Variants in SRGAP3 observed in about 807,000 individuals in gnomAD.
The protein encoded by SRGAP3 is SLIT-ROBO Rho GTPase-activating protein 3.
SRGAP3 carries 39 observed loss-of-function variants against 121.1 expected under a neutral mutation model. That is an observed-to-expected ratio of 0.32 (90% CI 0.25 to 0.42). SRGAP3 has a LOEUF of 0.42. Among genes scored for constraint, SRGAP3 ranks in the 10% least tolerant of loss-of-function variants. The probability of loss-of-function intolerance (pLI) is 1.00; values close to 1 mark genes in which losing one functional copy is unlikely to be tolerated. For missense variants in SRGAP3, 1,213 were observed against 1,470.6 expected, an observed-to-expected ratio of 0.82 and a Z score of 2.86; for synonymous variants, 601 against 570.0, an observed-to-expected ratio of 1.05 and a Z score of -0.77.
At chr3:9,282,824 G>T (rs1466802157) in intron 3 of SRGAP3, among the ~76,000 whole-genome samples, 2 of 152,038 alleles carry the variant, frequency 1.3e-5, no homozygotes, top group African/African-American at 4.8e-5. Context: ...AAGAAAATAT[G>T]ATCTCACACA....
In SRGAP3 at chr3:8,980,695, C is replaced by A; in HGVS notation, c.*4824G>T. ...GGATCCAATCAGACACTCTATAGGA[C>A]GGGCGTTTGGTCGTAAGGTAGAGAA... On this transcript the variant is annotated 3_prime_UTR_variant, in exon 22 of 22. Coordinates refer to ENST00000383836, the MANE Select transcript of SRGAP3 (RefSeq NM_014850.4). 4.3e-6 allele frequency: 1 copy of A among 232,536 alleles called. No individual in the cohort carries two copies. The highest frequency in any genetic ancestry group is 8.5e-6 in the Non-Finnish European group (1 of 117,300). The allele number at this position is 232,536 out of a possible 1,614,324, so 14.4% of individuals were successfully genotyped here. A position where few individuals can be genotyped will look rare whatever the true frequency, so the allele number is the denominator to read the frequency against.
intron 3 of SRGAP3, among the ~76,000 whole-genome samples, chr3:9,290,681 T>G (rs1954855687): frequency 2.6e-5 from 4 of 152,190 alleles, no homozygotes; most frequent in Admixed American, 1.3e-4. Flanking sequence ...CCAAACCTAC[T>G]GAATCAGTAT....
At chr3:9,021,731 A>G (rs76401348) in intron 14 of SRGAP3, among the ~76,000 whole-genome samples, 1 of 152,226 alleles carries the variant, frequency 6.6e-6, no homozygotes, top group Non-Finnish European at 1.5e-5. Flanking sequence ...ACAAGACCCA[A>G]ATCCCTTTTA....
chr3:9,319,082 A>G (rs1955399130), intron 3 of SRGAP3, among the ~76,000 whole-genome samples: 1 of 151,918 alleles, frequency 6.6e-6, no homozygotes, highest in African/African-American at 2.4e-5. Context: ...CACACATATT[A>G]GTATTTTAGA....
Position 8,982,123 on chromosome 3 carries a change from G to A in SRGAP3, c.*3396C>T, listed in dbSNP as rs1252164166. The A allele has an allele frequency of 2.2e-5, 5 of 226,160 alleles. No homozygotes were observed. In the East Asian group the frequency reaches 3.2e-4, roughly 14 times the overall value. The allele number at this position is 226,160 out of a possible 1,614,324, so 14.0% of individuals were successfully genotyped here. A position where few individuals can be genotyped will look rare whatever the true frequency, so the allele number is the denominator to read the frequency against. On this transcript the variant is annotated 3_prime_UTR_variant, in exon 22 of 22. Transcript: ENST00000383836. ...TCTTTAGTGGCAGCTGAGCCACAAG[G>A]CCCAGGAAACTAGACCAGGAATTAA...
chr3:9,100,132 A>G (rs1015967020), intron 3 of SRGAP3, among the ~76,000 whole-genome samples: 2 of 152,216 alleles, frequency 1.3e-5, no homozygotes, highest in African/African-American at 4.8e-5. Flanking sequence ...TTCTTAACAT[A>G]GTAAGGGCCA....
intron 1 of SRGAP3, among the ~76,000 whole-genome samples, chr3:9,160,159 T>C (rs1179697198): frequency 1.3e-5 from 2 of 152,212 alleles, no homozygotes; most frequent in Admixed American, 6.5e-5. Context: ...ATGGTGCAGA[T>C]TAAAGAGTGA....
chr3:9,000,629 G>A (rs187057493), intron 18 of SRGAP3, among the ~76,000 whole-genome samples: 25 of 152,308 alleles, frequency 1.6e-4, no homozygotes, highest in East Asian at 1.3e-3. Flanking sequence ...TGAATTTAAC[G>A]AATATAGAAG....
intron 3 of SRGAP3, among the ~76,000 whole-genome samples, chr3:9,093,079 G>C (rs940962609): frequency 1.2e-4 from 19 of 152,266 alleles, no homozygotes; most frequent in Non-Finnish European, 2.6e-4. Flanking sequence ...TGAAAAGCCA[G>C]TATCTATGAA....
chr3:9,139,528 G>C lies in SRGAP3; in HGVS notation c.68-14611C>G, dbSNP rs183714719. 1.5e-3 allele frequency among the ~76,000 whole-genome samples: 234 copies of C among 152,374 alleles called. 1 individual carries two copies. The Middle Eastern group carries it at 0.024, about 16-fold the overall frequency. On this transcript the variant is annotated intron_variant, in intron 1 of 21. Transcript: ENST00000383836. ...CTGGTAGCCACCAGAAACTGGAAGA[G>C]ACAAGGGACAGGTTCTCCCCTAGAG...
intron 3 of SRGAP3, among the ~76,000 whole-genome samples, chr3:9,089,812 C>T (rs1161655764): frequency 6.6e-6 from 1 of 152,180 alleles, no homozygotes; most frequent in Non-Finnish European, 1.5e-5. Flanking sequence ...AGCTCCTTGC[C>T]TTCAGTGATC....
At position 9,116,820 on chromosome 3, in the gene SRGAP3, C is replaced by T. The variant is rs533418886; in HGVS notation, c.260+7905G>A. On this transcript the variant is annotated intron_variant, in intron 2 of 21. Coordinates refer to ENST00000383836, the MANE Select transcript of SRGAP3 (RefSeq NM_014850.4). ...GCCACTCACCTGTGCTAGCTATGTC[C>T]CTCTGGGCAAATTACTTAATTTCTC... Among the ~76,000 whole-genome samples the T allele has an allele frequency of 3.3e-5, 5 of 152,308 alleles. No individual in the cohort carries two copies. The South Asian group carries it at 1.0e-3, about 32-fold the overall frequency.
intron 3 of SRGAP3, among the ~76,000 whole-genome samples, chr3:9,290,677 C>A (rs1033800280): frequency 1.3e-5 from 2 of 152,198 alleles, no homozygotes; most frequent in African/African-American, 4.8e-5. Flanking sequence ...TACCCCAAAC[C>A]TACTGAATCA....
chr3:9,085,274 GC>G (rs1206161046), intron 3 of SRGAP3, among the ~76,000 whole-genome samples: 2 of 152,300 alleles, frequency 1.3e-5, no homozygotes, highest in East Asian at 3.9e-4. Flanking sequence ...TCATTGTGGG[GC>G]AGAGAGGTCA....
chr3:9,015,644 T>C lies in SRGAP3; in HGVS notation c.1766A>G (p.Asn589Ser). ...AAACCTTTCCTTAGGAAAGAGTGGG[T>C]TTTCCAGTCCTCGGAAATACAGTTT... is the stretch of plus-strand genomic sequence containing the variant. Reference protein sequence around the residue: ...VLKLYFRGLENPLFPKERFQD... With the variant: ...VLKLYFRGLESPLFPKERFQD... The change falls in exon 15 of 22, where the codon AAC (asparagine) becomes AGC (serine). Residue 589 changes from asparagine to serine, a missense_variant. Around this residue, in one of 2 missense-constraint regions of SRGAP3, gnomAD observed 793 missense variants for 1,032.9 expected, o/e 0.77. Coordinates refer to ENST00000383836, the MANE Select transcript of SRGAP3 (RefSeq NM_014850.4). The C allele has an allele frequency of 6.2e-7, 1 of 1,613,752 alleles. No homozygotes were observed. Among genetic ancestry groups the C allele is most frequent in the Non-Finnish European group, 8.5e-7 (1 of 1,179,928 alleles).
intron 3 of SRGAP3, among the ~76,000 whole-genome samples, chr3:9,290,272 T>C (rs1954849279): frequency 6.6e-6 from 1 of 152,108 alleles, no homozygotes; most frequent in Non-Finnish European, 1.5e-5. Context: ...TTATCCAGAA[T>C]TTTTAGTTGT....
intron 11 of SRGAP3, chr3:9,037,775 T>C (rs1236672445): frequency 7.5e-6 from 4 of 531,258 alleles, no homozygotes; most frequent in Non-Finnish European, 1.4e-5. Context: ...GAGTAGACAA[T>C]ACTGTCTCAC....
chr3:9,141,619 C>A (rs1575136063), intron 1 of SRGAP3, among the ~76,000 whole-genome samples: 1 of 133,592 alleles, frequency 7.5e-6, no homozygotes, highest in African/African-American at 2.9e-5. Context: ...TCTTTTTAAC[C>A]TTGTAAGACT....
chr3:9,251,692 T>C (rs2125251242), upstream of SRGAP3, among the ~76,000 whole-genome samples: 1 of 152,186 alleles, frequency 6.6e-6, no homozygotes, highest in South Asian at 2.1e-4. Context: ...GACCTATGTG[T>C]AGGGTGCTGA....
Sources: allele counts gnomAD v4.1 joint callset (sites outside exome capture counted in the v4.1 genomes callset), GRCh38; gene constraint gnomAD v4.1.1; regional missense constraint gnomAD v4.1.1; transcripts MANE v1.5; gene names NCBI Gene and HGNC (gene_info 2026-07-23, HGNC 2026-07-21).